Variants in ANKS1B observed in about 807,000 individuals in gnomAD.
The protein encoded by ANKS1B is ankyrin repeat and sterile alpha motif domain-containing protein 1B.
Under a neutral mutation model 148.3 loss-of-function variants are expected in ANKS1B, and 36 were observed. The observed-to-expected ratio is 0.24, with a 90% CI of 0.19 to 0.32. The LOEUF is 0.32. Ranked by LOEUF, ANKS1B falls within the 10% of genes least tolerant of loss-of-function variation. The probability of loss-of-function intolerance (pLI) is 1.00; values close to 1 mark genes in which losing one functional copy is unlikely to be tolerated. For missense variants in ANKS1B, 1,157 were observed against 1,542.6 expected, an observed-to-expected ratio of 0.75 and a Z score of 4.19; for synonymous variants, 542 against 560.8, an observed-to-expected ratio of 0.97 and a Z score of 0.47.
At chr12:98,968,257 T>C (rs1039557633) in intron 17 of ANKS1B, among the ~76,000 whole-genome samples, 1 of 152,110 alleles carries the variant, frequency 6.6e-6, no homozygotes, top group Admixed American at 6.5e-5. Flanking sequence ...TCCAGACTAG[T>C]AGTTCTCAAA....
intron 1 of ANKS1B, among the ~76,000 whole-genome samples, chr12:99,962,077 T>C (rs2095419810): frequency 6.6e-6 from 1 of 152,214 alleles, no homozygotes; most frequent in Non-Finnish European, 1.5e-5. Context: ...TTTAGTTGTT[T>C]TTTTTTAATT....
intron 9 of ANKS1B, among the ~76,000 whole-genome samples, chr12:99,592,285 T>G (rs2097710576): frequency 6.6e-6 from 1 of 152,092 alleles, no homozygotes; most frequent in South Asian, 2.1e-4. Context: ...TAATATGAAA[T>G]GCATTCACAG....
intron 1 of ANKS1B, among the ~76,000 whole-genome samples, chr12:99,907,060 A>G (rs562270098): frequency 6.6e-6 from 1 of 152,358 alleles, no homozygotes; most frequent in African/African-American, 2.4e-5. Context: ...ACACAGGACA[A>G]GAACAGGCAT....
chr12:99,568,441 G>T (rs1279619688), intron 9 of ANKS1B, among the ~76,000 whole-genome samples: 2 of 152,084 alleles, frequency 1.3e-5, no homozygotes, highest in African/African-American at 2.4e-5. Flanking sequence ...TTTACAGAAG[G>T]TAACATTTTA....
chr12:98,787,995 CA>C (rs1210230452), intron 22 of ANKS1B, among the ~76,000 whole-genome samples: 2 of 151,474 alleles, frequency 1.3e-5, no homozygotes, highest in Non-Finnish European at 2.9e-5. Flanking sequence ...GAGAGCTCAG[CA>C]AACTTTCAGA....
At chr12:99,980,438 T>C (rs2095684635) in intron 1 of ANKS1B, among the ~76,000 whole-genome samples, 1 of 152,046 alleles carries the variant, frequency 6.6e-6, no homozygotes, top group Non-Finnish European at 1.5e-5. Flanking sequence ...TTAAGCACAT[T>C]ATAAGTGTTC....
chr12:98,830,143 G>A (rs1314390090), intron 18 of ANKS1B, among the ~76,000 whole-genome samples: 1 of 152,128 alleles, frequency 6.6e-6, no homozygotes, highest in Non-Finnish European at 1.5e-5. Context: ...AAAAGAGCAG[G>A]GTAAGTAGCA....
At chr12:98,973,473 C>T (rs1203263388) in intron 17 of ANKS1B, among the ~76,000 whole-genome samples, 1 of 152,134 alleles carries the variant, frequency 6.6e-6, no homozygotes, top group African/African-American at 2.4e-5. Context: ...TGCAGTCAAC[C>T]ATGGTCTAAA....
intron 9 of ANKS1B, among the ~76,000 whole-genome samples, chr12:99,644,466 A>T (rs2098340083): frequency 6.6e-6 from 1 of 152,184 alleles, no homozygotes; most frequent in South Asian, 2.1e-4. Flanking sequence ...AAGAAAATAC[A>T]GGTTTTCTCT....
intron 8 of ANKS1B, among the ~76,000 whole-genome samples, chr12:99,680,781 T>C (rs1599553717): frequency 6.6e-6 from 1 of 152,092 alleles, no homozygotes; most frequent in Admixed American, 6.5e-5. Flanking sequence ...ACAGGCTCCC[T>C]GTATATAAAC....
chr12:98,927,930 A>G (rs1488276515), intron 17 of ANKS1B, among the ~76,000 whole-genome samples: 1 of 151,802 alleles, frequency 6.6e-6, no homozygotes, highest in African/African-American at 2.4e-5. Flanking sequence ...AATAATAAAA[A>G]TAAGAGTAGA....
chr12:98,901,360 A>C (rs2099771733), intron 17 of ANKS1B, among the ~76,000 whole-genome samples: 1 of 152,212 alleles, frequency 6.6e-6, no homozygotes, highest in Non-Finnish European at 1.5e-5. Flanking sequence ...ATTATGAACG[A>C]GAAAGTCTGA....
At chr12:99,484,798 G>C in intron 10 of ANKS1B, among the ~76,000 whole-genome samples, 1 of 132,564 alleles carries the variant, frequency 7.5e-6, no homozygotes, top group Non-Finnish European at 1.6e-5. Flanking sequence ...TTGGTGCTTT[G>C]AAGTCAGTTT....
intron 14 of ANKS1B, among the ~76,000 whole-genome samples, chr12:99,158,121 G>A (rs1057040033): frequency 6.6e-6 from 1 of 152,162 alleles, no homozygotes; most frequent in African/African-American, 2.4e-5. Context: ...TTTGTTTGCG[G>A]TTTTGTTGAA....
intron 1 of ANKS1B, among the ~76,000 whole-genome samples, chr12:99,912,126 T>C (rs11612482): frequency 0.12 from 18,150 of 152,246 alleles, 1,444 homozygotes; most frequent in Middle Eastern, 0.18. Context: ...AAGGTGTCTG[T>C]GGAAGCAGGA....
At chr12:99,776,998 A>C (rs984696283) in intron 6 of ANKS1B, among the ~76,000 whole-genome samples, 7 of 152,082 alleles carry the variant, frequency 4.6e-5, no homozygotes, top group African/African-American at 1.4e-4. Context: ...CTAGATTTTT[A>C]AATGTTAACA....
At chr12:98,906,874 G>C (rs1248979847) in intron 17 of ANKS1B, among the ~76,000 whole-genome samples, 1 of 152,066 alleles carries the variant, frequency 6.6e-6, no homozygotes, top group African/African-American at 2.4e-5. Context: ...CATTGAGGTA[G>C]AATTAACAAG....
At chr12:99,311,385 C>T (rs910576748) in intron 12 of ANKS1B, among the ~76,000 whole-genome samples, 6 of 151,998 alleles carry the variant, frequency 3.9e-5, no homozygotes, top group South Asian at 2.1e-4. Context: ...TTAAATGGAA[C>T]GCTGGATGTA....
Position 99,246,678 on chromosome 12 carries a change from A to G in ANKS1B, c.1943T>C (p.Phe648Ser), listed in dbSNP as rs2073912871. 6.2e-7 allele frequency: 1 copy of G among 1,613,826 alleles called. No homozygotes were observed. Among genetic ancestry groups the G allele is most frequent in the Non-Finnish European group, 8.5e-7 (1 of 1,179,878 alleles). The change falls in exon 13 of 27, where the codon TTC becomes TCC. Residue 648 changes from phenylalanine to serine, a missense_variant. Transcript: ENST00000683438. ...GTTATTTTCTATTGGAGACTGCTTG[A>G]AAGGCAAAGGACTGTTTGCCAAACT... ...EVSLANSPLP[F>S]KQSPIENNSE...
Sources: gnomAD v4.1 joint callset for allele counts (sites outside exome capture counted in the v4.1 genomes callset) on GRCh38, gnomAD v4.1.1 for gene constraint, MANE v1.5 for transcripts, NCBI Gene and HGNC (gene_info 2026-07-23, HGNC 2026-07-21) for gene names.